RARB: variants seen among roughly 807,000 people sequenced by gnomAD.
RARB encodes the protein HBV-activated protein.
In RARB, 17 loss-of-function variants were observed where a neutral mutation model predicts 51.9. The observed-to-expected ratio is 0.33, with a 90% CI of 0.22 to 0.49. The LOEUF (loss-of-function observed/expected upper bound fraction) is 0.49, where lower values mean the gene tolerates loss of function less well. Among genes scored for constraint, RARB ranks in the 20% least tolerant of loss-of-function variants. The pLI, the probability that RARB is intolerant of heterozygous loss-of-function variation, is 0.99. For synonymous variants in RARB, 215 were observed against 195.4 expected, an observed-to-expected ratio of 1.10 and a Z score of -0.84; for missense variants, 369 against 550.8, an observed-to-expected ratio of 0.67 and a Z score of 3.30.
At chr3:25,017,214 C>A (rs544328261) in intron 2 of RARB, among the ~76,000 whole-genome samples, 1 of 146,748 alleles carries the variant, frequency 6.8e-6, no homozygotes, top group Non-Finnish European at 1.5e-5. Flanking sequence ...ACTAGCTTTC[C>A]CCCCCCCTTT....
At chr3:25,497,476 A>G (rs1433290445) in intron 2 of RARB, among the ~76,000 whole-genome samples, 1 of 152,178 alleles carries the variant, frequency 6.6e-6, no homozygotes, top group African/African-American at 2.4e-5. Flanking sequence ...TTGCCCGCAG[A>G]AACTCCCCAA....
In RARB at chr3:25,428,527, A is replaced by G; in HGVS notation, c.-205A>G. 1 of 1,273,748 alleles carries G rather than the reference A, an allele frequency of 7.9e-7. No individual in the cohort carries two copies. Among genetic ancestry groups the G allele is most frequent in the Non-Finnish European group, 9.9e-7 (1 of 1,009,998 alleles). The allele number at this position is 1,273,748 out of a possible 1,614,324, so 78.9% of individuals were successfully genotyped here. On this transcript the variant is annotated 5_prime_UTR_variant, in exon 1 of 8. Coordinates refer to ENST00000330688, the MANE Select transcript of RARB (RefSeq NM_000965.5). The stretch of plus-strand genomic sequence containing the variant: ...GCTGGATTGGCCGAGCAAGCCTGGA[A>G]AATGGTAAATGATCATTTGGATCAA...
chr3:25,448,923 GTCAT>G (rs1202759171), intron 1 of RARB, among the ~76,000 whole-genome samples: 3 of 151,926 alleles, frequency 2.0e-5, no homozygotes, highest in South Asian at 2.1e-4. Context: ...TGGGAAAAGA[GTCAT>G]TCAGCCCCTC....
rs557188930 is a variant in RARB, at chr3:24,940,823, G to C, written c.-380+82071G>C. Among the ~76,000 whole-genome samples, 5 of 152,228 alleles carry C rather than the reference G, an allele frequency of 3.3e-5. No homozygotes were observed. The South Asian group carries it at 1.0e-3, about 32-fold the overall frequency. On this transcript the variant is annotated intron_variant, in intron 2 of 11. Coordinates refer to the RARB transcript ENST00000383772. The stretch of plus-strand genomic sequence containing the variant: ...GTCCCTTACTGACGTTGTCAACTTA[G>C]GCAAGTCAGTTAACTTTTTGAAGTA...
chr3:25,240,227 G>A (rs774870627), intron 5 of RARB, among the ~76,000 whole-genome samples: 13 of 151,924 alleles, frequency 8.6e-5, no homozygotes, highest in Non-Finnish European at 1.8e-4. Context: ...AAGAATTTTG[G>A]TGGAGTCTTT....
chr3:25,238,694 A>C lies in RARB; in HGVS notation c.178+64119A>C, dbSNP rs145465394. Among the ~76,000 whole-genome samples, 229 of 152,180 alleles carry C rather than the reference A, an allele frequency of 1.5e-3. 2 individuals carry two copies. The highest frequency in any genetic ancestry group is 5.3e-3 in the African/African-American group (219 of 41,520). On this transcript the variant is annotated intron_variant, in intron 5 of 11. Transcript: ENST00000383772. ...GGTTATTTTTTGTCTTTTTAATAAT[A>C]CCTGTGGGCTGGGTGCAGTGGCTCA...
At chr3:24,952,179 G>T (rs2125406340) in intron 2 of RARB, among the ~76,000 whole-genome samples, 1 of 152,184 alleles carries the variant, frequency 6.6e-6, no homozygotes, top group African/African-American at 2.4e-5. Flanking sequence ...TTCAAGGCCA[G>T]TCTGGGTAAC....
intron 3 of RARB, among the ~76,000 whole-genome samples, chr3:25,108,225 C>T (rs749232458): frequency 3.9e-5 from 6 of 151,920 alleles, no homozygotes; most frequent in East Asian, 1.9e-4. Flanking sequence ...ACATTTTGGA[C>T]GATGGTTGAT....
At chr3:25,439,814 G>A (rs1178221669) in intron 1 of RARB, among the ~76,000 whole-genome samples, 1 of 152,220 alleles carries the variant, frequency 6.6e-6, no homozygotes, top group Non-Finnish European at 1.5e-5. Context: ...AGGAAAAAGA[G>A]ACAGGTGGAC....
chr3:24,999,191 A>G (rs1220797596), intron 2 of RARB, among the ~76,000 whole-genome samples: 1 of 152,174 alleles, frequency 6.6e-6, no homozygotes, highest in African/African-American at 2.4e-5. Flanking sequence ...TACTTGCTGA[A>G]TGTTCATCCC....
At chr3:25,413,770 A>G (rs1187821903) in intron 5 of RARB, among the ~76,000 whole-genome samples, 1 of 152,148 alleles carries the variant, frequency 6.6e-6, no homozygotes, top group Non-Finnish European at 1.5e-5. Context: ...CATCTTTGCA[A>G]CCAAGGCTTG....
intron 3 of RARB, among the ~76,000 whole-genome samples, chr3:25,078,247 T>G (rs1430429301): frequency 2.0e-5 from 3 of 152,194 alleles, no homozygotes; most frequent in Non-Finnish European, 4.4e-5. Context: ...CAAGAAGCTG[T>G]AAGATTTTAT....
At chr3:25,410,266 G>GTGAATTTATGGAAGGCATTT (rs1199277407) in intron 5 of RARB, among the ~76,000 whole-genome samples, 5 of 152,140 alleles carry the variant, frequency 3.3e-5, no homozygotes, top group Admixed American at 2.0e-4. Flanking sequence ...TAAATTTCCA[G>GTGAATTTATGGAAGGCATTT]TGCCTGGTGA....
intron 3 of RARB, among the ~76,000 whole-genome samples, chr3:25,504,258 A>AG (rs1373810828): frequency 2.0e-5 from 3 of 152,158 alleles, no homozygotes; most frequent in Non-Finnish European, 4.4e-5. Flanking sequence ...CTTCATTCCC[A>AG]GGAAGATTTT....
chr3:24,939,955 C>A (rs545079840), intron 2 of RARB, among the ~76,000 whole-genome samples: 1 of 152,234 alleles, frequency 6.6e-6, no homozygotes, highest in South Asian at 2.1e-4. Context: ...TATAAGCAAA[C>A]GTCACTCATT....
chr3:24,911,041 T>C (rs924269049), intron 2 of RARB, among the ~76,000 whole-genome samples: 1 of 152,238 alleles, frequency 6.6e-6, no homozygotes, highest in Admixed American at 6.5e-5. Flanking sequence ...CTGTGATAAA[T>C]GTTATGACTT....
chr3:24,982,551 T>C (rs1696701014), intron 2 of RARB, among the ~76,000 whole-genome samples: 1 of 152,162 alleles, frequency 6.6e-6, no homozygotes, highest in African/African-American at 2.4e-5. Flanking sequence ...GGAAGCTGGG[T>C]CCCTCCATCT....
intron 1 of RARB, among the ~76,000 whole-genome samples, chr3:25,454,685 G>GAA (rs57789086): frequency 8.4e-5 from 12 of 142,544 alleles, no homozygotes; most frequent in East Asian, 2.0e-4. Flanking sequence ...CTCTCACAAA[G>GAA]AAAAAAAAAA....
chr3:25,169,989 TA>T (rs58403240), intron 4 of RARB, among the ~76,000 whole-genome samples: 3,592 of 137,332 alleles, frequency 0.026, 64 homozygotes, highest in Middle Eastern at 0.061. Context: ...CCTTATTTCT[TA>T]AAAAAAAAAA....
Sources: gnomAD v4.1 joint callset for allele counts (sites outside exome capture counted in the v4.1 genomes callset) on GRCh38, gnomAD v4.1.1 for gene constraint, MANE v1.5 for transcripts, NCBI Gene and HGNC (gene_info 2026-07-23, HGNC 2026-07-21) for gene names.